The following WDFY4 variants were observed in gnomAD, a reference collection of about 807,000 sequenced individuals.
WDFY4 encodes the protein WD repeat- and FYVE domain-containing protein 4.
WDFY4 carries 169 observed loss-of-function variants against 351.9 expected under a neutral mutation model. That is an observed-to-expected ratio of 0.48 (90% CI 0.42 to 0.55). The LOEUF (loss-of-function observed/expected upper bound fraction) is 0.55, where lower values mean the gene tolerates loss of function less well. Among genes scored for constraint, WDFY4 ranks in the 20% least tolerant of loss-of-function variants. The probability of loss-of-function intolerance (pLI) is 0.00; values close to 1 mark genes in which losing one functional copy is unlikely to be tolerated. For missense variants in WDFY4, 3,803 were observed against 3,935.6 expected (o/e 0.97, Z 0.90); for synonymous variants, 1,622 against 1,574.6 (o/e 1.03, Z -0.71).
intron 39 of WDFY4, among the ~76,000 whole-genome samples, chr10:48,863,982 A>C (rs186069103): frequency 6.6e-6 from 1 of 152,234 alleles, no homozygotes; most frequent in Non-Finnish European, 1.5e-5. Context: ...AGCATGGGGG[A>C]AACCACACCA....
Position 48,953,331 on chromosome 10 carries a change from T to A in WDFY4, c.7978-3798T>A, listed in dbSNP as rs77582726. Reference sequence around the variant, plus strand: ...CTCTCTCTCTCTCTCTCTCTCTCTCTCTCACACACACACACACACACACAC... The same window carrying A: ...CTCTCTCTCTCTCTCTCTCTCTCTCACTCACACACACACACACACACACAC... On this transcript the variant is annotated intron_variant, in intron 51 of 61. Transcript: ENST00000325239. Among the ~76,000 whole-genome samples the A allele has an allele frequency of 8.8e-3, 713 of 81,106 alleles. 4 individuals are homozygous for A. Among genetic ancestry groups the A allele is most frequent in the African/African-American group, 0.014 (364 of 25,702 alleles). 53.2% of individuals were successfully genotyped at this position (81,106 alleles called of 152,430 possible).
At chr10:48,724,695 T>G (rs560371227) in intron 5 of WDFY4, among the ~76,000 whole-genome samples, 1 of 152,262 alleles carries the variant, frequency 6.6e-6, no homozygotes, top group East Asian at 1.9e-4. Flanking sequence ...GAGCCCCTAC[T>G]GTGCGCAGCT....
At chr10:48,781,266 G>GTA (rs531874490) in intron 19 of WDFY4, among the ~76,000 whole-genome samples, 2,459 of 150,608 alleles carry the variant, frequency 0.016, 63 homozygotes, top group African/African-American at 0.05. Flanking sequence ...GTGTGTGTGT[G>GTA]TATATATATA....
intron 12 of WDFY4, among the ~76,000 whole-genome samples, chr10:48,749,885 C>G (rs561607434): frequency 6.6e-6 from 1 of 152,142 alleles, no homozygotes; most frequent in Non-Finnish European, 1.5e-5. Context: ...TGCCAGGCCT[C>G]GTGGGCTGAC....
rs966724781 is a variant in WDFY4, at chr10:48,937,531, C to T, written c.7587-4275C>T. On this transcript the variant is annotated intron_variant, in intron 47 of 61. Transcript: ENST00000325239. ...CTGGCCTGTACACCACCTCCTTGCCCCACACCTCCATATCTTCATCTGTTA... is the reference window on the plus strand; with the variant it reads ...CTGGCCTGTACACCACCTCCTTGCCTCACACCTCCATATCTTCATCTGTTA... Among the ~76,000 whole-genome samples, 3 of 152,162 alleles carry T rather than the reference C, an allele frequency of 2.0e-5. 1 individual carries two copies. Among genetic ancestry groups the T allele is most frequent in the African/African-American group, 7.2e-5 (3 of 41,430 alleles).
intron 23 of WDFY4, 131 bp downstream of exon 23, chr10:48,791,048 C>T (rs2132746624): frequency 8.3e-7 from 1 of 1,199,336 alleles, no homozygotes; most frequent in South Asian, 1.6e-5. Flanking sequence ...GCCGAAAGCC[C>T]TTGGGTTCTG....
intron 13 of WDFY4, among the ~76,000 whole-genome samples, chr10:48,766,087 A>G (rs2065660752): frequency 6.6e-6 from 1 of 152,246 alleles, no homozygotes. Context: ...GGCTATTTGA[A>G]AAGAGCCATT....
intron 12 of WDFY4, among the ~76,000 whole-genome samples, chr10:48,752,243 A>C (rs889315236): frequency 2.8e-4 from 43 of 152,332 alleles, no homozygotes; most frequent in African/African-American, 9.4e-4. Context: ...AGTTGTGTAA[A>C]CTAGATTTCC....
intron 9 of WDFY4, 42 bp downstream of exon 9, chr10:48,731,604 T>A: frequency 6.6e-7 from 1 of 1,524,628 alleles, no homozygotes; most frequent in Non-Finnish European, 8.8e-7. Flanking sequence ...GGGGTCAGTG[T>A]CAGCCAGGCC....
intron 43 of WDFY4, among the ~76,000 whole-genome samples, chr10:48,879,496 T>A (rs1207781534): frequency 6.6e-6 from 1 of 152,262 alleles, no homozygotes; most frequent in African/African-American, 2.4e-5. Flanking sequence ...GTGCTTTATA[T>A]TCGCTTTCTA....
intron 13 of WDFY4, 86 bp from the exon 14 acceptor site, chr10:48,774,372 C>T (rs919140364): frequency 2.2e-5 from 31 of 1,396,736 alleles, no homozygotes; most frequent in Middle Eastern, 2.3e-4. Context: ...TTCCACAACT[C>T]ACCCCAGGCC....
intron 51 of WDFY4, among the ~76,000 whole-genome samples, chr10:48,956,713 C>G (rs1033106333): frequency 1.3e-5 from 2 of 152,184 alleles, no homozygotes. Flanking sequence ...TATTTCCTGC[C>G]TGTGGAACTT....
chr10:48,813,253 T>A (rs2067518593), intron 30 of WDFY4, among the ~76,000 whole-genome samples: 1 of 152,254 alleles, frequency 6.6e-6, no homozygotes, highest in Non-Finnish European at 1.5e-5. Flanking sequence ...TGTATATCTT[T>A]ATAATTGACA....
rs1194642357 is a variant in WDFY4 at position 48,848,378 on chromosome 10, CATAAT to C, written c.6663+15671_6663+15675del. Among the ~76,000 whole-genome samples the C allele has an allele frequency of 1.4e-4, 22 of 152,334 alleles. No individual in the cohort carries two copies. The East Asian group carries it at 3.7e-3, about 25-fold the overall frequency. On this transcript the variant is annotated intron_variant, in intron 39 of 61. Transcript: ENST00000325239. The stretch of plus-strand genomic sequence containing the variant: ...ATATGTCAGCCTTCTGAGGAGGACA[CATAAT>C]AGAAGTGTTTAGGTCACCCGTTTAC...
At chr10:48,769,710 A>G (rs2065796648) in intron 13 of WDFY4, among the ~76,000 whole-genome samples, 1 of 152,214 alleles carries the variant, frequency 6.6e-6, no homozygotes, top group South Asian at 2.1e-4. Flanking sequence ...CTATTGCTCC[A>G]GGACCCAGCG....
chr10:48,970,160 C>G lies in WDFY4; in HGVS notation c.8799C>G (p.Ala2933=), dbSNP rs1842274790. The G allele has an allele frequency of 6.4e-7, 1 of 1,551,686 alleles. No individual in the cohort carries two copies. Among genetic ancestry groups the G allele is most frequent in the East Asian group, 2.4e-5 (1 of 40,910 alleles). Residue 2933 remains alanine, a synonymous_variant, in exon 57 of 62, where the codon GCC becomes GCG. Transcript: ENST00000325239. ...KVLMTFENLA[A]WGRCLCAVCP... Reference sequence around the variant, plus strand: ...TGATGACATTCGAGAACCTGGCTGCCTGGGGCCGCTGTCTGTGCGCCGTGT... The same window carrying G: ...TGATGACATTCGAGAACCTGGCTGCGTGGGGCCGCTGTCTGTGCGCCGTGT...
intron 54 of WDFY4, 37 bp downstream of exon 54, chr10:48,964,091 AAG>A (rs1456378158): frequency 5.8e-6 from 9 of 1,543,356 alleles, no homozygotes; most frequent in Non-Finnish European, 7.0e-6. Flanking sequence ...GCTTTCTCAA[AAG>A]AGTGTGTGCA....
intron 40 of WDFY4, among the ~76,000 whole-genome samples, chr10:48,870,314 T>C (rs2069716664): frequency 2.0e-5 from 3 of 152,052 alleles, no homozygotes; most frequent in Admixed American, 6.6e-5. Flanking sequence ...GGCAGTAGGA[T>C]TGTTTGATGA....
chr10:48,759,974 C>CTGTG (rs563011825), intron 12 of WDFY4, among the ~76,000 whole-genome samples: 17 of 149,730 alleles, frequency 1.1e-4, no homozygotes, highest in South Asian at 2.1e-4. Context: ...ACCCAGAAGC[C>CTGTG]TGTGTGTGTG....
Sources: allele counts gnomAD v4.1 joint callset (sites outside exome capture counted in the v4.1 genomes callset), GRCh38; gene constraint gnomAD v4.1.1; transcripts MANE v1.5; gene names NCBI Gene and HGNC (gene_info 2026-07-23, HGNC 2026-07-21).